Variants in RNF111 observed in about 807,000 individuals in gnomAD.
RNF111 encodes ring finger protein 111, also known as E3 ubiquitin-protein ligase Arkadia.
Under a neutral mutation model 95.1 loss-of-function variants are expected in RNF111, and 17 were observed. The observed-to-expected ratio is 0.18, with a 90% CI of 0.12 to 0.27. The LOEUF (loss-of-function observed/expected upper bound fraction) is 0.27. Among genes scored for constraint, RNF111 ranks in the 10% least tolerant of loss-of-function variants. The pLI, the probability that RNF111 is intolerant of heterozygous loss-of-function variation, is 1.00. For synonymous variants in RNF111, 440 were observed against 414.8 expected, an observed-to-expected ratio of 1.06 and a Z score of -0.74; for missense variants, 1,189 against 1,210.4, an observed-to-expected ratio of 0.98 and a Z score of 0.26.
chr15:59,029,879 T>A (rs1198139471), intron 1 of RNF111, among the ~76,000 whole-genome samples: 2 of 152,236 alleles, frequency 1.3e-5, no homozygotes, highest in African/African-American at 4.8e-5. Context: ...CTATACTTAA[T>A]AAAAACTTGT....
intron 1 of RNF111, among the ~76,000 whole-genome samples, chr15:59,006,102 T>A (rs2039529960): frequency 6.6e-6 from 1 of 152,216 alleles, no homozygotes; most frequent in Non-Finnish European, 1.5e-5. Context: ...GAAAGGTTGG[T>A]GATTTTATTA....
At chr15:59,076,812 T>G (rs1215143189) in intron 7 of RNF111, among the ~76,000 whole-genome samples, 3 of 152,266 alleles carry the variant, frequency 2.0e-5, no homozygotes, top group Non-Finnish European at 4.4e-5. Flanking sequence ...TGTTAGATCA[T>G]AAGCTAATAA....
chr15:59,022,113 G>A (rs1445738405), intron 1 of RNF111, among the ~76,000 whole-genome samples: 2 of 152,134 alleles, frequency 1.3e-5, no homozygotes, highest in African/African-American at 4.8e-5. Context: ...CCCCGCCTTG[G>A]CCGCCCAAAG....
chr15:59,088,742 T>A (rs2078967835), intron 10 of RNF111, among the ~76,000 whole-genome samples: 1 of 152,190 alleles, frequency 6.6e-6, no homozygotes, highest in Non-Finnish European at 1.5e-5. Context: ...GTGTATAACC[T>A]TTTTTATGTG....
intron 1 of RNF111, among the ~76,000 whole-genome samples, chr15:58,991,640 G>C (rs533991196): frequency 1.3e-5 from 2 of 152,350 alleles, no homozygotes; most frequent in South Asian, 2.1e-4. Context: ...ATCAGCCATA[G>C]TGACGATTTG....
intron 6 of RNF111, among the ~76,000 whole-genome samples, chr15:59,067,528 G>A (rs1309080303): frequency 2.0e-5 from 3 of 152,074 alleles, no homozygotes; most frequent in South Asian, 2.1e-4. Context: ...TCTTACACTC[G>A]AAAATGGCCT....
intron 1 of RNF111, among the ~76,000 whole-genome samples, chr15:59,005,253 C>T (rs1319557719): frequency 6.6e-6 from 1 of 152,184 alleles, no homozygotes; most frequent in African/African-American, 2.4e-5. Context: ...TCTCAAACTC[C>T]TGGGCACAAG....
chr15:59,020,584 T>C (rs1175715133), intron 1 of RNF111, among the ~76,000 whole-genome samples: 1 of 152,246 alleles, frequency 6.6e-6, no homozygotes, highest in Non-Finnish European at 1.5e-5. Flanking sequence ...GAGATGTAAG[T>C]TGATGTTATG....
chr15:59,018,249 A>G (rs2040165698), intron 1 of RNF111, among the ~76,000 whole-genome samples: 1 of 152,234 alleles, frequency 6.6e-6, no homozygotes, highest in Non-Finnish European at 1.5e-5. Flanking sequence ...ACTAAAAATC[A>G]TTTCTCACAT....
At chr15:59,036,039 G>GCA (rs1399934512) in intron 2 of RNF111, among the ~76,000 whole-genome samples, 1 of 152,076 alleles carries the variant, frequency 6.6e-6, no homozygotes, top group Non-Finnish European at 1.5e-5. Context: ...TGCTAATAAA[G>GCA]ACATACCCGA....
rs539838534 is a variant in RNF111, at chr15:59,080,261, C to T, written c.1949-675C>T. On this transcript the variant is annotated intron_variant, in intron 7 of 13. Transcript: ENST00000348370. ...TCAGCCTCCCTAGTAGCTGGGATTA[C>T]AGGTGTGCATCACCATGCCTGGATA... is the stretch of plus-strand genomic sequence containing the variant. Among the ~76,000 whole-genome samples, 300 of 151,922 alleles carry T rather than the reference C, an allele frequency of 2.0e-3. 1 individual carries two copies. The highest frequency in any genetic ancestry group is 3.8e-3 in the Non-Finnish European group (261 of 67,988).
At chr15:59,031,736 C>A (rs1465395537) in intron 2 of RNF111, 34 bp downstream of exon 2, 2 of 1,571,134 alleles carry the variant, frequency 1.3e-6, no homozygotes, top group Admixed American at 1.8e-5. Context: ...AACATGGAAC[C>A]TATTGCATTG....
intron 1 of RNF111, among the ~76,000 whole-genome samples, chr15:59,011,206 C>G (rs1030803770): frequency 1.3e-5 from 2 of 152,132 alleles, no homozygotes; most frequent in African/African-American, 4.8e-5. Flanking sequence ...TCTTATCCTT[C>G]CTGGAAAACT....
At chr15:59,080,114 CTTT>C (rs1194255542) in intron 7 of RNF111, among the ~76,000 whole-genome samples, 5 of 85,448 alleles carry the variant, frequency 5.9e-5, no homozygotes, top group Admixed American at 3.2e-4. Context: ...TTGTGTGCTC[CTTT>C]TTTTTTTTTT....
intron 9 of RNF111, among the ~76,000 whole-genome samples, chr15:59,085,248 G>A (rs777312581): frequency 3.3e-5 from 5 of 152,066 alleles, no homozygotes; most frequent in Non-Finnish European, 5.9e-5. Context: ...TATTCTAATC[G>A]TCCTTAATGT....
chr15:58,991,129 TAAAA>T (rs560831323), intron 1 of RNF111, among the ~76,000 whole-genome samples: 3 of 148,194 alleles, frequency 2.0e-5, no homozygotes, highest in Non-Finnish European at 3.0e-5. Context: ...CCGTCTGTAC[TAAAA>T]AAAAAATACA....
intron 1 of RNF111, among the ~76,000 whole-genome samples, chr15:59,019,798 A>C (rs1181467361): frequency 2.6e-5 from 4 of 151,998 alleles, no homozygotes; most frequent in African/African-American, 9.7e-5. Context: ...GTCTTTACTG[A>C]AAATACAAAA....
At chr15:58,992,988 G>A (rs2038886600) in intron 1 of RNF111, among the ~76,000 whole-genome samples, 1 of 151,956 alleles carries the variant, frequency 6.6e-6, no homozygotes, top group Non-Finnish European at 1.5e-5. Flanking sequence ...GCCCAACGTG[G>A]CAAAACCCTG....
chr15:59,006,163 G>T (rs1295932068), intron 1 of RNF111, among the ~76,000 whole-genome samples: 1 of 152,160 alleles, frequency 6.6e-6, no homozygotes, highest in Non-Finnish European at 1.5e-5. Flanking sequence ...GTGTATTCCA[G>T]ATTTTATATA....
Sources: allele counts gnomAD v4.1 joint callset (sites outside exome capture counted in the v4.1 genomes callset), GRCh38; gene constraint gnomAD v4.1.1; transcripts MANE v1.5; gene names NCBI Gene and HGNC (gene_info 2026-07-23, HGNC 2026-07-21).